Variants in NACC2 observed in about 807,000 individuals in gnomAD.
The protein encoded by NACC2 is NACC family member 2.
In NACC2, 8 loss-of-function variants were observed where a neutral mutation model predicts 25.1. That is an observed-to-expected ratio of 0.32 (90% CI 0.19 to 0.57). The LOEUF is 0.57. Among genes scored for constraint, NACC2 ranks in the 20% least tolerant of loss-of-function variants. NACC2 has a pLI of 0.89. For synonymous variants in NACC2, 435 were observed against 294.7 expected, an observed-to-expected ratio of 1.48 and a Z score of -4.88; for missense variants, 644 against 650.2, an observed-to-expected ratio of 0.99 and a Z score of 0.10.
chr9:136,036,721 G>A (rs1020494174), intron 2 of NACC2, among the ~76,000 whole-genome samples: 12 of 152,266 alleles, frequency 7.9e-5, no homozygotes, highest in Middle Eastern at 3.4e-3. Context: ...GAGATTACTC[G>A]GCTGAAAGCC....
chr9:136,051,502 G>A (rs1234526933), intron 1 of NACC2, among the ~76,000 whole-genome samples: 2 of 152,292 alleles, frequency 1.3e-5, no homozygotes, highest in South Asian at 4.1e-4. Context: ...TTTATCTGGT[G>A]CGGACTCCGG....
At chr9:136,078,591 G>T (rs1036858761) in intron 1 of NACC2, among the ~76,000 whole-genome samples, 1 of 152,186 alleles carries the variant, frequency 6.6e-6, no homozygotes, top group Non-Finnish European at 1.5e-5. Context: ...GACTCCAGGG[G>T]AATGTACTCC....
chr9:136,017,442 G>C (rs1282695770), intron 2 of NACC2, among the ~76,000 whole-genome samples: 1 of 152,020 alleles, frequency 6.6e-6, no homozygotes, highest in Non-Finnish European at 1.5e-5. Context: ...CAGGTGCGCG[G>C]GGCCAAGGAA....
At chr9:136,042,270 G>C (rs954647395) in intron 2 of NACC2, among the ~76,000 whole-genome samples, 4 of 152,168 alleles carry the variant, frequency 2.6e-5, no homozygotes, top group Admixed American at 6.5e-5. Context: ...TTACAGGTGT[G>C]AGCCACCTTG....
intron 1 of NACC2, among the ~76,000 whole-genome samples, chr9:136,078,218 G>C (rs979737806): frequency 3.2e-4 from 48 of 152,148 alleles, no homozygotes; most frequent in African/African-American, 1.1e-3. Flanking sequence ...CCACCACCTG[G>C]CAGGGGTCCC....
chr9:136,015,762 CCTT>C (rs1355676928), intron 3 of NACC2, among the ~76,000 whole-genome samples: 1 of 152,232 alleles, frequency 6.6e-6, no homozygotes, highest in African/African-American at 2.4e-5. Flanking sequence ...CCCATCTTCT[CCTT>C]AACAGTTGTA....
chr9:136,039,970 C>A (rs1187033660), intron 2 of NACC2, among the ~76,000 whole-genome samples: 2 of 152,210 alleles, frequency 1.3e-5, no homozygotes, highest in East Asian at 3.9e-4. Context: ...GTAGGAAATG[C>A]CAAGGAATTT....
chr9:136,053,445 G>C (rs1840878149), intron 1 of NACC2, among the ~76,000 whole-genome samples: 1 of 152,100 alleles, frequency 6.6e-6, no homozygotes. Context: ...ACTCGGCCAT[G>C]CTGATGAGCT....
Position 136,018,943 on chromosome 9 carries a change from C to T in NACC2, c.887-2514G>A, listed in dbSNP as rs541733995. Among the ~76,000 whole-genome samples, 4 of 152,162 alleles carry T rather than the reference C, an allele frequency of 2.6e-5. No homozygotes were observed. In the South Asian group the frequency reaches 8.3e-4, roughly 32 times the overall value. Reference sequence around the variant, plus strand: ...CGTCTCGAGATGTTTTTCTAAACAGCAGAAGTTGTTTGTGCTTGGAACACC... The same window carrying T: ...CGTCTCGAGATGTTTTTCTAAACAGTAGAAGTTGTTTGTGCTTGGAACACC... On this transcript the variant is annotated intron_variant, in intron 2 of 5. Transcript: ENST00000277554. This position sits in a 1 kb window ranked among gnomAD's most constrained non-coding sequence, Gnocchi z 4.4.
In NACC2 at chr9:136,011,089, G is replaced by C. The variant is rs1221853952; in HGVS notation, c.*427C>G. ...CCAGAGAGGTTCCATGGGGAAGGAA[G>C]GAAGGGTCAGTGACGCACAGCCCAG... On this transcript the variant is annotated 3_prime_UTR_variant, in exon 6 of 6. Transcript: ENST00000277554. 6.4e-6 allele frequency: 1 copy of C among 155,506 alleles called. No homozygotes were observed. The highest frequency in any genetic ancestry group is 1.4e-5 in the Non-Finnish European group (1 of 70,460). 9.6% of individuals were successfully genotyped at this position (155,506 alleles called of 1,614,324 possible).
At position 136,024,153 on chromosome 9, in the gene NACC2, AGAGTGTGTGT is replaced by A. The variant is rs1215148830; in HGVS notation, c.887-7734_887-7725del. 1.9e-4 allele frequency among the ~76,000 whole-genome samples: 18 copies of A among 92,770 alleles called. 1 individual carries two copies. The highest frequency in any genetic ancestry group is 9.4e-4 in the African/African-American group (17 of 18,058). The allele number at this position is 92,770 out of a possible 152,430, so 60.9% of individuals were successfully genotyped here. On this transcript the variant is annotated intron_variant, in intron 2 of 5. Coordinates refer to ENST00000277554, the MANE Select transcript of NACC2 (RefSeq NM_144653.5). ...GTGAGGACAGTGTGTGTGTGGGGAC[AGAGTGTGTGT>A]GTGTGTGTGTGTGTGAGGACGGAGT...
rs1048329568 is a variant in NACC2 at position 136,048,832 on chromosome 9, G to A, written c.886+804C>T. 5.3e-5 allele frequency among the ~76,000 whole-genome samples: 8 copies of A among 152,314 alleles called. No individual in the cohort carries two copies. In the East Asian group the frequency reaches 1.4e-3, roughly 26 times the overall value. On this transcript the variant is annotated intron_variant, in intron 2 of 5. Coordinates refer to ENST00000277554, the MANE Select transcript of NACC2 (RefSeq NM_144653.5). ...GTCCCATCAGGGCACAGGGATATGCGTGGTGGGGTGGAGAGAGTCCCTACA... is the reference window on the plus strand; with the variant it reads ...GTCCCATCAGGGCACAGGGATATGCATGGTGGGGTGGAGAGAGTCCCTACA...
intron 2 of NACC2, among the ~76,000 whole-genome samples, chr9:136,047,323 C>T (rs937238291): frequency 2.6e-5 from 4 of 152,192 alleles, no homozygotes; most frequent in Non-Finnish European, 4.4e-5. Context: ...CACCCAGCGA[C>T]GCCAGCAACG....
In NACC2 at chr9:136,011,848, G is replaced by C; in HGVS notation, c.1432C>G (p.Pro478Ala). Residue 478 changes from proline to alanine, a missense_variant, in exon 6 of 6, where the codon CCC becomes GCC. Coordinates refer to ENST00000277554, the MANE Select transcript of NACC2 (RefSeq NM_144653.5). ...GCAGGCGGGAACTCGGGGTCGAGGG[G>C]CACGCTGGCGGCGGCGGAGCCCATG... ...TVMGSAAASV[P>A]LDPEFPPAAA... 1 of 1,563,886 alleles carries C rather than the reference G, an allele frequency of 6.4e-7. No homozygotes were observed. Among genetic ancestry groups the C allele is most frequent in the South Asian group, 1.2e-5 (1 of 86,180 alleles).
intron 1 of NACC2, among the ~76,000 whole-genome samples, chr9:136,075,631 C>A (rs569931330): frequency 3.3e-4 from 51 of 152,354 alleles, no homozygotes; most frequent in African/African-American, 1.2e-3. Context: ...GGGAGCAGAG[C>A]CTGCAGGGCC....
intron 2 of NACC2, among the ~76,000 whole-genome samples, chr9:136,027,893 T>C (rs1165763551): frequency 6.6e-6 from 1 of 151,816 alleles, no homozygotes; most frequent in African/African-American, 2.4e-5. Context: ...AATCCAGAAG[T>C]TGGTTCTTTG....
chr9:136,087,266 G>A (rs1434198166), intron 1 of NACC2, among the ~76,000 whole-genome samples: 1 of 152,222 alleles, frequency 6.6e-6, no homozygotes, highest in African/African-American at 2.4e-5. Context: ...ACTGGGACAG[G>A]AGCACTCTCT....
intron 2 of NACC2, among the ~76,000 whole-genome samples, chr9:136,029,917 C>T (rs888476200): frequency 4.6e-5 from 7 of 152,134 alleles, no homozygotes; most frequent in Non-Finnish European, 1.0e-4. Context: ...CCTGCTGGGC[C>T]GAACGGGTGG....
At chr9:136,038,381 T>A (rs1311302231) in intron 2 of NACC2, among the ~76,000 whole-genome samples, 2 of 151,936 alleles carry the variant, frequency 1.3e-5, no homozygotes, top group Non-Finnish European at 2.9e-5. Flanking sequence ...ACAAAAAAAA[T>A]CCACAAAAAT....
Sources: gnomAD v4.1 joint callset for allele counts (sites outside exome capture counted in the v4.1 genomes callset) on GRCh38, gnomAD v4.1.1 for gene constraint, Gnocchi (gnomAD v3.1) non-coding constraint, MANE v1.5 for transcripts, NCBI Gene and HGNC (gene_info 2026-07-23, HGNC 2026-07-21) for gene names.